Variants in HTR2C observed in about 807,000 individuals in gnomAD.
The protein encoded by HTR2C is 5-hydroxytryptamine (serotonin) receptor 2C, G protein-coupled.
A neutral mutation model predicts 21.0 loss-of-function variants in HTR2C; 5 were observed. The ratio of observed to expected loss-of-function variants is 0.24; its 90% CI spans 0.12 to 0.50. HTR2C has a LOEUF of 0.50. Among genes scored for constraint, HTR2C ranks in the 20% least tolerant of loss-of-function variants. The pLI is 0.98. For missense variants in HTR2C, 271 were observed against 371.2 expected, an observed-to-expected ratio of 0.73 and a Z score of 2.22; for synonymous variants, 150 against 145.3, an observed-to-expected ratio of 1.03 and a Z score of -0.23.
chrX:114,665,688 G>T (rs1314854152), intron 2 of HTR2C, among the ~76,000 whole-genome samples: 5 of 111,594 alleles, frequency 4.5e-5, no homozygotes, highest in Non-Finnish European at 7.5e-5. Context: ...AAGTGGAAGT[G>T]GATCGTCATA....
chrX:114,649,911 G>A (rs781896649), intron 2 of HTR2C, among the ~76,000 whole-genome samples: 9 of 111,521 alleles, frequency 8.1e-5, no homozygotes, highest in East Asian at 5.7e-4. Flanking sequence ...CACCGTGCCC[G>A]GCCTTTTCTC....
At chrX:114,616,200 A>G (rs914556034) in intron 2 of HTR2C, among the ~76,000 whole-genome samples, 7 of 110,650 alleles carry the variant, frequency 6.3e-5, no homozygotes, top group African/African-American at 2.3e-4. Context: ...TAATGTGTAT[A>G]CATCTACAGC....
chrX:114,780,549 C>CTTAGCG (rs1478597313), intron 4 of HTR2C, among the ~76,000 whole-genome samples: 1 of 111,391 alleles, frequency 9.0e-6, no homozygotes, highest in Non-Finnish European at 1.9e-5. Context: ...CAACCTCACC[C>CTTAGCG]TTAGGGTCTG....
chrX:114,589,571 T>G (rs1927546996), intron 1 of HTR2C: 1 of 132,727 alleles, frequency 7.5e-6, no homozygotes, highest in African/African-American at 3.2e-5. Flanking sequence ...GACAGAAGGA[T>G]CAGTAAAAAT....
chrX:114,737,511 C>T (rs782064628), intron 4 of HTR2C, among the ~76,000 whole-genome samples: 2 of 111,186 alleles, frequency 1.8e-5, no homozygotes, highest in South Asian at 7.5e-4. Flanking sequence ...TGAGCCAGCG[C>T]GCCAGGGCAC....
chrX:114,833,993 C>G (rs1271689181), intron 4 of HTR2C, among the ~76,000 whole-genome samples: 1 of 109,986 alleles, frequency 9.1e-6, no homozygotes, highest in Non-Finnish European at 1.9e-5. Context: ...TGTTCAGTTT[C>G]CATGTAGTTG....
chrX:114,903,093 C>T (rs192414515), intron 5 of HTR2C, among the ~76,000 whole-genome samples: 1 of 111,485 alleles, frequency 9.0e-6, no homozygotes, highest in African/African-American at 3.3e-5. Flanking sequence ...TCAGACACCC[C>T]CCTAGGGTCC....
intron 3 of HTR2C, among the ~76,000 whole-genome samples, chrX:114,728,810 A>G (rs2069508182): frequency 8.9e-6 from 1 of 111,894 alleles, no homozygotes. Flanking sequence ...TGTTTCTGTT[A>G]TATATAATTT....
At chrX:114,597,296 T>C in intron 1 of HTR2C, among the ~76,000 whole-genome samples, 1 of 110,066 alleles carries the variant, frequency 9.1e-6, no homozygotes, top group Non-Finnish European at 1.9e-5. Context: ...AAACACATGT[T>C]AGAGAATATA....
intron 2 of HTR2C, among the ~76,000 whole-genome samples, chrX:114,685,093 G>A (rs1931869122): frequency 3.6e-5 from 4 of 110,914 alleles, no homozygotes; most frequent in South Asian, 3.8e-4. Context: ...ATGGATATTT[G>A]TTTTCTAAAG....
intron 2 of HTR2C, chrX:114,652,695 A>G (rs782538362): frequency 2.7e-6 from 1 of 375,555 alleles, no homozygotes; most frequent in African/African-American, 2.7e-5. Flanking sequence ...AAATAAACCA[A>G]CAAGTCTTAT....
At chrX:114,776,351 G>A (rs1269115896) in intron 4 of HTR2C, 15 of 739,698 alleles carry the variant, frequency 2.0e-5, no homozygotes, top group Non-Finnish European at 3.0e-5. Context: ...TGTGACCACA[G>A]CATTGGTAAC....
chrX:114,794,611 G>A (rs1157410370), intron 4 of HTR2C, among the ~76,000 whole-genome samples: 1 of 96,276 alleles, frequency 1.0e-5, no homozygotes, highest in Non-Finnish European at 2.0e-5. Flanking sequence ...CCACCTATGA[G>A]TGAGAACATG....
intron 2 of HTR2C, among the ~76,000 whole-genome samples, chrX:114,632,611 T>G (rs1294172765): frequency 5.4e-5 from 6 of 111,664 alleles, no homozygotes; most frequent in Non-Finnish European, 9.4e-5. Flanking sequence ...GTTTGGTATA[T>G]ATTTTAAACA....
chrX:114,899,975 G>A (rs1460052455), intron 5 of HTR2C, among the ~76,000 whole-genome samples: 2 of 111,362 alleles, frequency 1.8e-5, no homozygotes, highest in African/African-American at 6.5e-5. Flanking sequence ...TGTTGCTGTA[G>A]TTTTTACTTT....
At position 114,642,257 on chromosome X, in the gene HTR2C, A is replaced by G. The variant is rs952915645; in HGVS notation, c.-80+28376A>G. ...ATGATTTATATTTCTTTGGGTATATACCCAATAATGGGATTGCTAGATCAA... is the reference window on the plus strand; with the variant it reads ...ATGATTTATATTTCTTTGGGTATATGCCCAATAATGGGATTGCTAGATCAA... On this transcript the variant is annotated intron_variant, in intron 2 of 5. Coordinates refer to ENST00000276198, the MANE Select transcript of HTR2C (RefSeq NM_000868.4). Among the ~76,000 whole-genome samples, 9 of 112,244 alleles carry G rather than the reference A, an allele frequency of 8.0e-5. No individual in the cohort carries two copies. The South Asian group carries it at 3.3e-3, about 41-fold the overall frequency.
intron 1 of HTR2C, among the ~76,000 whole-genome samples, chrX:114,597,217 C>CTAA (rs1569476320): frequency 2.7e-5 from 1 of 36,744 alleles, no homozygotes; most frequent in African/African-American, 1.3e-4. Context: ...GATTTCATCT[C>CTAA]CAAAAAAAAA....
At chrX:114,600,534 CTAA>C (rs1221495994) in intron 1 of HTR2C, among the ~76,000 whole-genome samples, 1 of 109,902 alleles carries the variant, frequency 9.1e-6, no homozygotes, top group Non-Finnish European at 1.9e-5. Context: ...AAAATGCTAT[CTAA>C]TAATAATAAT....
At chrX:114,792,217 G>A (rs1194859847) in intron 4 of HTR2C, among the ~76,000 whole-genome samples, 2 of 110,888 alleles carry the variant, frequency 1.8e-5, no homozygotes, top group African/African-American at 6.6e-5. Flanking sequence ...CTATCAACCT[G>A]TCACCTAGGT....
Sources: allele counts gnomAD v4.1 joint callset (sites outside exome capture counted in the v4.1 genomes callset), GRCh38; gene constraint gnomAD v4.1.1; transcripts MANE v1.5; gene names NCBI Gene and HGNC (gene_info 2026-07-23, HGNC 2026-07-21).